PALLD: variants seen among roughly 807,000 people sequenced by gnomAD.
PALLD encodes the protein palladin, cytoskeletal associated protein.
A neutral mutation model predicts 123.5 loss-of-function variants in PALLD; 61 were observed. The observed-to-expected ratio is 0.49, with a 90% CI of 0.40 to 0.61. The LOEUF (loss-of-function observed/expected upper bound fraction) is 0.61, where lower values mean the gene tolerates loss of function less well. Ranked by LOEUF, PALLD falls within the 20% of genes least tolerant of loss-of-function variation. The pLI, the probability that PALLD is intolerant of heterozygous loss-of-function variation, is 0.00. For missense variants in PALLD, 1,273 were observed against 1,377.0 expected (o/e 0.92, Z 1.20); for synonymous variants, 465 against 496.4 (o/e 0.94, Z 0.84).
chr4:168,814,739 T>G (rs1741663275), intron 10 of PALLD, among the ~76,000 whole-genome samples: 1 of 152,160 alleles, frequency 6.6e-6, no homozygotes, highest in African/African-American at 2.4e-5. Context: ...AAAATTTTTC[T>G]CCTAAAAGAC....
chr4:168,623,620 T>C (rs921472911), intron 2 of PALLD, among the ~76,000 whole-genome samples: 4 of 152,112 alleles, frequency 2.6e-5, no homozygotes, highest in African/African-American at 9.7e-5. Flanking sequence ...GAGACACACA[T>C]AGATCACAGT....
At chr4:168,804,749 G>A (rs1739890384) in intron 10 of PALLD, among the ~76,000 whole-genome samples, 1 of 152,212 alleles carries the variant, frequency 6.6e-6, no homozygotes, top group African/African-American at 2.4e-5. Context: ...CTTTGTCAAT[G>A]TCCTAAAAGA....
At chr4:168,737,659 C>T (rs1787893019) in intron 10 of PALLD, among the ~76,000 whole-genome samples, 1 of 152,106 alleles carries the variant, frequency 6.6e-6, no homozygotes, top group Non-Finnish European at 1.5e-5. Context: ...GAAGGTGTGG[C>T]AGTTTTGTCA....
intron 17 of PALLD, among the ~76,000 whole-genome samples, chr4:168,919,252 C>T (rs1312352082): frequency 2.0e-5 from 3 of 152,086 alleles, no homozygotes; most frequent in Non-Finnish European, 2.9e-5. Flanking sequence ...CGGCCAGGCA[C>T]GTGGGTCACG....
intron 2 of PALLD, among the ~76,000 whole-genome samples, chr4:168,537,988 G>A (rs1333918826): frequency 6.6e-6 from 1 of 152,200 alleles, no homozygotes; most frequent in African/African-American, 2.4e-5. Context: ...AGAATAACCA[G>A]TAAGGAAACT....
intron 2 of PALLD, among the ~76,000 whole-genome samples, chr4:168,646,019 GTTA>G (rs1257298485): frequency 1.3e-5 from 2 of 152,206 alleles, no homozygotes; most frequent in African/African-American, 4.8e-5. Context: ...AGCCTTGTAT[GTTA>G]TTTGCTATTC....
intron 10 of PALLD, among the ~76,000 whole-genome samples, chr4:168,857,141 G>T (rs1309276814): frequency 6.6e-6 from 1 of 152,066 alleles, no homozygotes; most frequent in Non-Finnish European, 1.5e-5. Context: ...GCCATTCCTC[G>T]CCCTCCATGT....
At chr4:168,572,462 C>A (rs1342746582) in intron 2 of PALLD, among the ~76,000 whole-genome samples, 1 of 152,032 alleles carries the variant, frequency 6.6e-6, no homozygotes, top group African/African-American at 2.4e-5. Flanking sequence ...TTTTTCACAG[C>A]GGTAGAAAAA....
intron 2 of PALLD, among the ~76,000 whole-genome samples, chr4:168,577,185 C>T (rs1769706671): frequency 6.6e-6 from 1 of 152,064 alleles, no homozygotes; most frequent in South Asian, 2.1e-4. Flanking sequence ...ATTGGTAACA[C>T]GTTGATGTTT....
At chr4:168,880,439 T>G (rs1233747972) in intron 10 of PALLD, among the ~76,000 whole-genome samples, 1 of 152,202 alleles carries the variant, frequency 6.6e-6, no homozygotes, top group Non-Finnish European at 1.5e-5. Flanking sequence ...AGTAAGCCAT[T>G]ATTATGTGGT....
intron 10 of PALLD, among the ~76,000 whole-genome samples, chr4:168,718,344 T>C (rs1336498365): frequency 6.6e-6 from 1 of 152,186 alleles, no homozygotes; most frequent in Non-Finnish European, 1.5e-5. Context: ...AAAAACAAGT[T>C]GGGACAAAAT....
intron 2 of PALLD, among the ~76,000 whole-genome samples, chr4:168,584,480 C>T (rs1213905088): frequency 6.6e-6 from 1 of 152,164 alleles, no homozygotes; most frequent in Non-Finnish European, 1.5e-5. Flanking sequence ...GTCATCTTTC[C>T]ATTTAAATTT....
intron 10 of PALLD, among the ~76,000 whole-genome samples, chr4:168,780,297 T>A (rs1381825681): frequency 1.3e-5 from 2 of 152,234 alleles, no homozygotes; most frequent in Non-Finnish European, 1.5e-5. Context: ...ACAGAGCAGA[T>A]CTATTTCCTA....
chr4:168,519,468 C>A (rs944078515), intron 2 of PALLD, among the ~76,000 whole-genome samples: 5 of 151,884 alleles, frequency 3.3e-5, no homozygotes, highest in African/African-American at 1.2e-4. Flanking sequence ...AGCCATTTGT[C>A]CATATAATTT....
At chr4:168,505,799 T>C (rs1761940057) in intron 1 of PALLD, among the ~76,000 whole-genome samples, 1 of 152,234 alleles carries the variant, frequency 6.6e-6, no homozygotes, top group Admixed American at 6.5e-5. Flanking sequence ...ATCGTGATCA[T>C]TAATTGCCTT....
chr4:168,566,332 A>T (rs1768374285), intron 2 of PALLD, among the ~76,000 whole-genome samples: 1 of 152,136 alleles, frequency 6.6e-6, no homozygotes, highest in Admixed American at 6.5e-5. Flanking sequence ...AGAGTCTCAC[A>T]GTATCACCCA....
chr4:168,741,634 T>C (rs1290387016), intron 10 of PALLD, among the ~76,000 whole-genome samples: 1 of 152,204 alleles, frequency 6.6e-6, no homozygotes. Flanking sequence ...CAGTGAGCTA[T>C]GATTGTGTCA....
intron 10 of PALLD, among the ~76,000 whole-genome samples, chr4:168,812,175 G>C (rs1185756141): frequency 1.3e-5 from 2 of 152,164 alleles, no homozygotes; most frequent in Non-Finnish European, 2.9e-5. Flanking sequence ...AGATTGGCAA[G>C]ACAAAGACTA....
intron 2 of PALLD, among the ~76,000 whole-genome samples, chr4:168,629,911 G>C (rs755030530): frequency 6.6e-6 from 1 of 152,152 alleles, no homozygotes; most frequent in Non-Finnish European, 1.5e-5. Context: ...ACCAGTAAAA[G>C]GAGTGTCCTC....
Sources: gnomAD v4.1 joint callset for allele counts (sites outside exome capture counted in the v4.1 genomes callset) on GRCh38, gnomAD v4.1.1 for gene constraint, MANE v1.5 for transcripts, NCBI Gene and HGNC (gene_info 2026-07-23, HGNC 2026-07-21) for gene names.